ZMYM6: variants seen among roughly 807,000 people sequenced by gnomAD.
ZMYM6 encodes the protein zinc finger MYM-type protein 6.
ZMYM6 carries 90 observed loss-of-function variants against 134.0 expected under a neutral mutation model. The observed-to-expected ratio is 0.67, with a 90% CI of 0.57 to 0.80. The LOEUF (loss-of-function observed/expected upper bound fraction) is 0.80, where lower values mean the gene tolerates loss of function less well. Among genes scored for constraint, ZMYM6 ranks in the 30% least tolerant of loss-of-function variants. ZMYM6 has a pLI of 0.00. For missense variants in ZMYM6, 1,362 were observed against 1,533.9 expected, an observed-to-expected ratio of 0.89 and a Z score of 1.87; for synonymous variants, 481 against 524.1, an observed-to-expected ratio of 0.92 and a Z score of 1.12.
intron 10 of ZMYM6, among the ~76,000 whole-genome samples, chr1:35,010,219 C>T (rs1264258206): frequency 6.6e-6 from 1 of 151,794 alleles, no homozygotes; most frequent in African/African-American, 2.4e-5. Flanking sequence ...TGGGGTTTCA[C>T]CATGTTGGTC....
chr1:35,007,249 TTTAA>T (rs1640998584), intron 11 of ZMYM6, 151 bp from the exon 12 acceptor site: 2 of 745,726 alleles, frequency 2.7e-6, no homozygotes, highest in Non-Finnish European at 3.9e-6. Flanking sequence ...ACTGATTTTA[TTTAA>T]TTATTTGTTT....
Position 34,988,430 on chromosome 1 carries a change from T to C in ZMYM6, c.2652A>G (p.Gln884=). The C allele has an allele frequency of 4.5e-6, 7 of 1,551,614 alleles. No homozygotes were observed. The highest frequency in any genetic ancestry group is 6.1e-6 in the Non-Finnish European group (7 of 1,146,952). The stretch of plus-strand genomic sequence containing the variant: ...CTGCAGATAGTTCATCAATCCTGTG[T>C]TGAATTGTAACATTAGAAAGTGGAA... ...KTIPLSNVTI[Q]HRIDELSADI... is the part of the protein sequence containing the mutation. Residue 884 remains glutamine (Q), a synonymous_variant, in exon 16 of 16, where the codon CAA becomes CAG. Transcript: ENST00000357182.
At chr1:35,011,433 A>T (rs919726862) in intron 8 of ZMYM6, among the ~76,000 whole-genome samples, 6 of 152,168 alleles carry the variant, frequency 3.9e-5, no homozygotes, top group Admixed American at 1.3e-4. Context: ...TACCCTGGAG[A>T]TTACTAAACT....
At chr1:35,001,722 C>T (rs1248638995) in intron 14 of ZMYM6, among the ~76,000 whole-genome samples, 3 of 152,168 alleles carry the variant, frequency 2.0e-5, no homozygotes, top group Non-Finnish European at 2.9e-5. Context: ...ACCAAGTTAA[C>T]TTAATGACAG....
chr1:35,017,497 G>A (rs1436508361), intron 4 of ZMYM6: 1 of 150,570 alleles, frequency 6.6e-6, no homozygotes, highest in Non-Finnish European at 1.5e-5. Flanking sequence ...GAAAATCTGT[G>A]CACATAAATT....
At position 35,020,367 on chromosome 1, in the gene ZMYM6, C is replaced by T; in HGVS notation, c.178+16G>A. The T allele has an allele frequency of 6.3e-7, 1 of 1,586,850 alleles. No individual in the cohort carries two copies. Among genetic ancestry groups the T allele is most frequent in the Admixed American group, 1.9e-5 (1 of 53,238 alleles). The stretch of plus-strand genomic sequence containing the variant: ...GCAAATTAATTGTAACTAACTTATA[C>T]AGTTCCATTTCTTACCAATAGGTCT... On this transcript the variant is annotated intron_variant, in intron 3 of 15. Transcript: ENST00000357182.
At chr1:35,022,259 GTC>G (rs938986711) in intron 2 of ZMYM6, among the ~76,000 whole-genome samples, 1 of 152,062 alleles carries the variant, frequency 6.6e-6, no homozygotes, top group Non-Finnish European at 1.5e-5. Context: ...ATCAAACCCA[GTC>G]TCTCTGTTTT....
At position 35,010,553 on chromosome 1, in the gene ZMYM6, G is replaced by C; in HGVS notation, c.1386C>G (p.Tyr462Ter). ...LFCGKNCSDE[Y>*]KKKNKVVAMC... ...TTGCCACAACTTTATTTTTCTTCTTGTATTCATCAGAGCAATTCTTGCCAC... is the reference window on the plus strand; with the variant it reads ...TTGCCACAACTTTATTTTTCTTCTTCTATTCATCAGAGCAATTCTTGCCAC... The change falls in exon 10 of 16, where the codon TAC (tyrosine) becomes TAG (stop). Residue 462 changes from tyrosine (Y) to a stop codon, truncating the protein, a stop_gained. Coordinates refer to ENST00000357182, the MANE Select transcript of ZMYM6 (RefSeq NM_007167.4). LOFTEE classifies it high-confidence loss of function. 1 of 1,613,730 alleles carries C rather than the reference G, an allele frequency of 6.2e-7. No homozygotes were observed. Among genetic ancestry groups the C allele is most frequent in the Non-Finnish European group, 8.5e-7 (1 of 1,179,948 alleles).
chr1:35,020,551 TCTATC>T lies in ZMYM6; in HGVS notation c.94-89_94-85del, dbSNP rs1485042678. 52 of 834,288 alleles carry T rather than the reference TCTATC, an allele frequency of 6.2e-5. No individual in the cohort carries two copies. The East Asian group carries it at 1.2e-3, about 19-fold the overall frequency. 51.7% of individuals were successfully genotyped at this position (834,288 alleles called of 1,614,324 possible). On this transcript the variant is annotated intron_variant, in intron 2 of 15. Coordinates refer to ENST00000357182, the MANE Select transcript of ZMYM6 (RefSeq NM_007167.4). Reference sequence around the variant, plus strand: ...AGAAATTCAAGCAAAAAAAAATTATTCTATCCTATTCATCTCCTTTTTTTTTTTTT... The same window carrying T: ...AGAAATTCAAGCAAAAAAAAATTATTCTATTCATCTCCTTTTTTTTTTTTT...
At chr1:35,000,292 T>A (rs1352647791) in intron 14 of ZMYM6, among the ~76,000 whole-genome samples, 1 of 149,686 alleles carries the variant, frequency 6.7e-6, no homozygotes, top group East Asian at 2.0e-4. Flanking sequence ...CAAGCTGGAG[T>A]GCAGTGGTGC....
intron 12 of ZMYM6, among the ~76,000 whole-genome samples, chr1:35,006,729 T>C (rs1351494947): frequency 1.3e-5 from 2 of 152,240 alleles, no homozygotes; most frequent in Admixed American, 6.5e-5. Flanking sequence ...TTAGTGCATA[T>C]ACATTATTGG....
intron 3 of ZMYM6, among the ~76,000 whole-genome samples, chr1:35,019,868 G>C (rs555229002): frequency 6.6e-6 from 1 of 151,718 alleles, no homozygotes; most frequent in African/African-American, 2.4e-5. Context: ...CAAAGATAAG[G>C]TATGTTGCCC....
chr1:35,020,687 C>T (rs1245870877), intron 2 of ZMYM6, among the ~76,000 whole-genome samples: 1 of 151,486 alleles, frequency 6.6e-6, no homozygotes, highest in African/African-American at 2.4e-5. Flanking sequence ...ATTCTTCTGC[C>T]TCAGCCACCC....
chr1:35,002,042 C>T (rs1044568733), intron 14 of ZMYM6, among the ~76,000 whole-genome samples: 1 of 152,174 alleles, frequency 6.6e-6, no homozygotes, highest in Non-Finnish European at 1.5e-5. Flanking sequence ...ATAGTAATTG[C>T]TGCTAAAATA....
At chr1:35,000,442 T>C (rs1640860675) in intron 14 of ZMYM6, among the ~76,000 whole-genome samples, 3 of 151,692 alleles carry the variant, frequency 2.0e-5, no homozygotes, top group South Asian at 2.1e-4. Flanking sequence ...TTTTGCCATG[T>C]TGTCTAGGCT....
At chr1:35,029,877 T>C (rs1055356310) in intron 2 of ZMYM6, among the ~76,000 whole-genome samples, 2 of 152,202 alleles carry the variant, frequency 1.3e-5, no homozygotes, top group Admixed American at 6.5e-5. Context: ...TTTGTAATTA[T>C]ATATATTACT....
rs764623659 is a variant in ZMYM6, at chr1:35,015,001, T to G, written c.590A>C (p.Gln197Pro). Residue 197 changes from glutamine (Q) to proline (P), a missense_variant, in exon 5 of 16, where the codon CAG (glutamine) becomes CCG (proline). Gln to Pro is a moderately conservative substitution (Grantham distance 76, BLOSUM62 -1). This residue lies in a region of ZMYM6 where 503 missense variants were observed against 520.8 expected (regional missense o/e 0.97). Transcript: ENST00000357182. ...AATGTAACTTACATCAGCATTCTTC[T>G]GACACATACTGCACTTAGTTGAAAT... Reference protein sequence around the residue: ...KSISTKCSMCQKNADTRFEVK... With the variant: ...KSISTKCSMCPKNADTRFEVK... 1.2e-6 allele frequency: 2 copies of G among 1,611,220 alleles called. No individual in the cohort carries two copies. Among genetic ancestry groups the G allele is most frequent in the African/African-American group, 2.7e-5 (2 of 74,612 alleles).
chr1:35,013,057 G>A (rs1351498318), intron 6 of ZMYM6: 1 of 928,262 alleles, frequency 1.1e-6, no homozygotes, highest in African/African-American at 1.8e-5. Context: ...TTCAAGCTGA[G>A]TTTCATAATA....
intron 10 of ZMYM6, 83 bp downstream of exon 10, chr1:35,010,364 G>A: frequency 1.3e-6 from 2 of 1,504,224 alleles, no homozygotes; most frequent in South Asian, 2.6e-5. Flanking sequence ...AAAAGAATGT[G>A]AAAACTAATC....
Sources: gnomAD v4.1 joint callset for allele counts (sites outside exome capture counted in the v4.1 genomes callset) on GRCh38, gnomAD v4.1.1 for gene constraint, gnomAD v4.1.1 regional missense constraint, MANE v1.5 for transcripts, NCBI Gene and HGNC (gene_info 2026-07-23, HGNC 2026-07-21) for gene names.